TRAPPC1: variants seen among roughly 807,000 people sequenced by gnomAD.
TRAPPC1 encodes BET5 homolog.
Under a neutral mutation model 17.2 loss-of-function variants are expected in TRAPPC1, and 10 were observed. The observed-to-expected ratio is 0.58, with a 90% CI of 0.36 to 0.99. TRAPPC1 has a LOEUF of 0.99. TRAPPC1 is among the 50% of genes least tolerant of loss of function. The pLI is 0.01. For synonymous variants in TRAPPC1, 85 were observed against 74.5 expected (o/e 1.14, Z -0.72); for missense variants, 163 against 184.4 (o/e 0.88, Z 0.67).
intron 2 of TRAPPC1, 43 bp downstream of exon 2, chr17:7,931,463 C>A (rs781458446): frequency 1.2e-6 from 2 of 1,600,176 alleles, no homozygotes; most frequent in South Asian, 2.2e-5. Flanking sequence ...CCCAAATTCC[C>A]AAGGCTAGCC....
Position 7,930,622 on chromosome 17 carries a change from GAGA to G in TRAPPC1, c.419_421del (p.Phe140del), listed in dbSNP as rs780009126. 54 of 1,614,036 alleles carry G rather than the reference GAGA, an allele frequency of 3.3e-5. No homozygotes were observed. In the African/African-American group the frequency reaches 4.0e-4, roughly 12 times the overall value. On this transcript the variant is annotated inframe_deletion, in exon 4 of 4. Transcript: ENST00000303731. ...TAGGTTGCTTCAGCCAGCCCGGGCG[GAGA>G]AGAAGGGCAGAGAGCGAACATAGGA...
rs1246014818 is a variant in TRAPPC1 at position 7,931,494 on chromosome 17, G to A, written c.170+12C>T. 4 of 1,613,432 alleles carry A rather than the reference G, an allele frequency of 2.5e-6. No homozygotes were observed. Among genetic ancestry groups the A allele is most frequent in the Non-Finnish European group, 3.4e-6 (4 of 1,179,464 alleles). On this transcript the variant is annotated intron_variant, in intron 2 of 3. Coordinates refer to ENST00000303731, the MANE Select transcript of TRAPPC1 (RefSeq NM_021210.5). ...TAGCCCTCCTCCCAACATCTTCTCT[G>A]ACTCCGCGTACATGTCTAGCGGGGA...
In TRAPPC1 at chr17:7,931,511, T is replaced by C. The variant is rs761496873; in HGVS notation, c.165A>G (p.Leu55=). The C allele has an allele frequency of 6.8e-6, 11 of 1,612,942 alleles. No individual in the cohort carries two copies. The Admixed American group carries it at 1.0e-4, about 15-fold the overall frequency. The part of the protein sequence containing the change: ...IRSFVSKMSP[L]DMKDGFLAFQ... ...TCTTCTCTGACTCCGCGTACATGTCTAGCGGGGACATCTTGCTGACAAACG... is the reference window on the plus strand; with the variant it reads ...TCTTCTCTGACTCCGCGTACATGTCCAGCGGGGACATCTTGCTGACAAACG... The change falls in exon 2 of 4, where the codon CTA becomes CTG. Residue 55 remains leucine (L), a synonymous_variant. Coordinates refer to ENST00000303731, the MANE Select transcript of TRAPPC1 (RefSeq NM_021210.5).
chr17:7,930,412 AG>A lies in TRAPPC1; in HGVS notation c.*193del. 4.8e-6 allele frequency: 3 copies of A among 623,572 alleles called. No individual in the cohort carries two copies. The South Asian group carries it at 5.8e-5, about 12-fold the overall frequency. 38.6% of individuals were successfully genotyped at this position (623,572 alleles called of 1,614,324 possible). ...TTAGGCAGGGGATAAAACTGGAGAG[AG>A]GGCCTGGTGTGGAGGTGGAGGGACT... On this transcript the variant is annotated 3_prime_UTR_variant, in exon 4 of 4. Transcript: ENST00000303731.
At position 7,931,121 on chromosome 17, in the gene TRAPPC1, T is replaced by C; in HGVS notation, c.199A>G (p.Ser67Gly). The C allele has an allele frequency of 6.2e-7, 1 of 1,613,958 alleles. No individual in the cohort carries two copies. Among genetic ancestry groups the C allele is most frequent in the Non-Finnish European group, 8.5e-7 (1 of 1,179,960 alleles). Reference sequence around the variant, plus strand: ...TCGTAGTAATGGAGTTTGTAACGGCTAGTTTGGAAGGCCAGGAAGCCATCC... The same window carrying C: ...TCGTAGTAATGGAGTTTGTAACGGCCAGTTTGGAAGGCCAGGAAGCCATCC... ...MKDGFLAFQT[S>G]RYKLHYYETP... The change falls in exon 3 of 4, where the codon AGC becomes GGC. Residue 67 changes from serine to glycine, a missense_variant. Transcript: ENST00000303731.
rs1972495446 is a variant in TRAPPC1, at chr17:7,931,367, T to C, written c.170+139A>G. On this transcript the variant is annotated intron_variant, in intron 2 of 3. Transcript: ENST00000303731. The stretch of plus-strand genomic sequence containing the variant: ...CCCCCACTCCTGCCAGCTCCAGCAC[T>C]CTCGCTCCGGACTCAGCCTCTCTTA... 6 of 1,008,710 alleles carry C rather than the reference T, an allele frequency of 5.9e-6. No homozygotes were observed. The South Asian group carries it at 9.1e-5, about 15-fold the overall frequency. 62.5% of individuals were successfully genotyped at this position (1,008,710 alleles called of 1,614,324 possible).
intron 2 of TRAPPC1, 162 bp downstream of exon 2, chr17:7,931,344 C>G: frequency 2.0e-6 from 2 of 1,020,094 alleles, no homozygotes; most frequent in Admixed American, 4.4e-5. Flanking sequence ...CCTCCCCACC[C>G]CCACTCCTGC....
rs1357365936 is a variant in TRAPPC1, at chr17:7,931,404, C to A, written c.170+102G>T. 2.4e-6 allele frequency: 3 copies of A among 1,259,892 alleles called. No homozygotes were observed. The African/African-American group carries it at 4.4e-5, about 19-fold the overall frequency. 78.0% of individuals were successfully genotyped at this position (1,259,892 alleles called of 1,614,324 possible). On this transcript the variant is annotated intron_variant, in intron 2 of 3. Coordinates refer to ENST00000303731, the MANE Select transcript of TRAPPC1 (RefSeq NM_021210.5). ...CTCAGCCTCTCTTAAGTACCCTTTC[C>A]CCCCTCTGGAGGCCAATGCTCCTTC...
Position 7,931,888 on chromosome 17 carries a change from T to A in TRAPPC1, c.-59A>T. 6.9e-7 allele frequency: 1 copy of A among 1,453,872 alleles called. No homozygotes were observed. The highest frequency in any genetic ancestry group is 9.7e-7 in the Non-Finnish European group (1 of 1,034,202). 90.1% of individuals were successfully genotyped at this position (1,453,872 alleles called of 1,614,324 possible). On this transcript the variant is annotated 5_prime_UTR_variant, in exon 1 of 4. Coordinates refer to ENST00000303731, the MANE Select transcript of TRAPPC1 (RefSeq NM_021210.5). ...GCCGCCCCCACTCCTTGGGCTCGGG[T>A]TCCCGGACCCACAGCCTTCCAACCA...
In TRAPPC1 at chr17:7,930,392, C is replaced by T. The variant is rs1197891226; in HGVS notation, c.*214G>A. ...ATTCTGTGCTTCTCGCAGCATTAGG[C>T]AGGGGATAAAACTGGAGAGAGGGCC... is the stretch of plus-strand genomic sequence containing the variant. On this transcript the variant is annotated 3_prime_UTR_variant, in exon 4 of 4. Transcript: ENST00000303731. 3.4e-6 allele frequency: 2 copies of T among 587,084 alleles called. No individual in the cohort carries two copies. Among genetic ancestry groups the T allele is most frequent in the East Asian group, 6.0e-5 (2 of 33,376 alleles). 36.4% of individuals were successfully genotyped at this position (587,084 alleles called of 1,614,324 possible).
chr17:7,930,598 A>G lies in TRAPPC1; in HGVS notation c.*8T>C. ...CATGAATTCTCCTGAGACTTGAGGTAGGTTGCTTCAGCCAGCCCGGGCGGA... is the reference window on the plus strand; with the variant it reads ...CATGAATTCTCCTGAGACTTGAGGTGGGTTGCTTCAGCCAGCCCGGGCGGA... On this transcript the variant is annotated 3_prime_UTR_variant, in exon 4 of 4. Coordinates refer to ENST00000303731, the MANE Select transcript of TRAPPC1 (RefSeq NM_021210.5). The G allele has an allele frequency of 6.2e-7, 1 of 1,613,988 alleles. No homozygotes were observed. Among genetic ancestry groups the G allele is most frequent in the Admixed American group, 1.7e-5 (1 of 60,010 alleles).
intron 3 of TRAPPC1, 94 bp from the exon 4 acceptor site, chr17:7,930,828 G>A: frequency 6.5e-7 from 1 of 1,541,304 alleles, no homozygotes; most frequent in South Asian, 1.2e-5. Context: ...GAATGCACAA[G>A]GAATAAGGGC....
chr17:7,931,629 G>C, intron 1 of TRAPPC1, 53 bp from the exon 2 acceptor site: 4 of 755,648 alleles, frequency 5.3e-6, no homozygotes, highest in Non-Finnish European at 6.8e-6. Context: ...GATGGGGTGG[G>C]GGGTGGGAAC....
At position 7,930,696 on chromosome 17, in the gene TRAPPC1, C is replaced by G. The variant is rs751496436; in HGVS notation, c.348G>C (p.Pro116=). 1 of 1,614,118 alleles carries G rather than the reference C, an allele frequency of 6.2e-7. No individual in the cohort carries two copies. The part of the protein sequence containing the change: ...VELVVKNPLC[P]LGQTVQSELF... The stretch of plus-strand genomic sequence containing the variant: ...GCTCACTTTGCACAGTTTGGCCCAG[C>G]GGGCACAGGGGATTCTTCACCACCA... The change falls in exon 4 of 4, where the codon CCG becomes CCC. Residue 116 remains proline, a synonymous_variant. Coordinates refer to ENST00000303731, the MANE Select transcript of TRAPPC1 (RefSeq NM_021210.5).
At position 7,931,821 on chromosome 17, in the gene TRAPPC1, G is replaced by C; in HGVS notation, c.9C>G (p.Val3=). The change falls in exon 1 of 4, where the codon GTC becomes GTG. Residue 3 remains valine, a synonymous_variant. Coordinates refer to ENST00000303731, the MANE Select transcript of TRAPPC1 (RefSeq NM_021210.5). MT[V]HNLYLFDRNG... ...TCCGGTCAAACAGGTACAGGTTGTG[G>C]ACAGTCATCTGCAGGGCAGGGAGTG... 6.2e-7 allele frequency: 1 copy of C among 1,613,990 alleles called. No homozygotes were observed.
chr17:7,931,833 C>T lies in TRAPPC1; in HGVS notation c.-4G>A, dbSNP rs762240142. On this transcript the variant is annotated 5_prime_UTR_variant, in exon 1 of 4. Coordinates refer to ENST00000303731, the MANE Select transcript of TRAPPC1 (RefSeq NM_021210.5). ...GGTACAGGTTGTGGACAGTCATCTG[C>T]AGGGCAGGGAGTGTGAGCCTCGCTC... 1.9e-6 allele frequency: 3 copies of T among 1,613,486 alleles called. No individual in the cohort carries two copies. The South Asian group carries it at 3.3e-5, about 18-fold the overall frequency.
chr17:7,931,983 A>G (rs139104843), upstream of TRAPPC1: 147 of 677,634 alleles, frequency 2.2e-4, no homozygotes, highest in East Asian at 3.7e-3. Context: ...TCCGGTTTCC[A>G]CGGAGCTCCG....
At position 7,931,893 on chromosome 17, in the gene TRAPPC1, G is replaced by A. The variant is rs775584578; in HGVS notation, c.-64C>T. ...CCCCACTCCTTGGGCTCGGGTTCCC[G>A]GACCCACAGCCTTCCAACCAGGTGG... is the stretch of plus-strand genomic sequence containing the variant. On this transcript the variant is annotated 5_prime_UTR_variant, in exon 1 of 4. Transcript: ENST00000303731. 4 of 1,424,314 alleles carry A rather than the reference G, an allele frequency of 2.8e-6. No individual in the cohort carries two copies. The highest frequency in any genetic ancestry group is 1.1e-5 in the South Asian group (1 of 87,174). 88.2% of individuals were successfully genotyped at this position (1,424,314 alleles called of 1,614,324 possible).
chr17:7,931,158 A>C lies in TRAPPC1; in HGVS notation c.171-9T>G. The C allele has an allele frequency of 6.2e-7, 1 of 1,613,612 alleles. No homozygotes were observed. On this transcript the variant is annotated splice_polypyrimidine_tract_variant and intron_variant, in intron 2 of 3. Coordinates refer to ENST00000303731, the MANE Select transcript of TRAPPC1 (RefSeq NM_021210.5). ...CCAGGAAGCCATCCTTCCTGCAGAG[A>C]TGAGGAGGGTGTTAAAGAATGGGAG...
Sources: allele counts gnomAD v4.1 joint callset, GRCh38; gene constraint gnomAD v4.1.1; transcripts MANE v1.5; gene names NCBI Gene and HGNC (gene_info 2026-07-23, HGNC 2026-07-21).